Variants in PTPRG observed in about 807,000 individuals in gnomAD.
The protein encoded by PTPRG is protein tyrosine phosphatase receptor type G.
A neutral mutation model predicts 165.3 loss-of-function variants in PTPRG; 102 were observed. That is an observed-to-expected ratio of 0.62 (90% CI 0.53 to 0.73). The LOEUF (loss-of-function observed/expected upper bound fraction) is 0.73. Among genes scored for constraint, PTPRG ranks in the 30% least tolerant of loss-of-function variants. The pLI is 0.00. For synonymous variants in PTPRG, 675 were observed against 669.5 expected (o/e 1.01, Z -0.13); for missense variants, 1,866 against 1,861.4 (o/e 1.00, Z -0.05).
chr3:62,118,023 G>A (rs145420907), intron 5 of PTPRG, among the ~76,000 whole-genome samples: 377 of 152,284 alleles, frequency 2.5e-3, no homozygotes, highest in Middle Eastern at 6.8e-3. Context: ...AGTATTTTAT[G>A]TGGATTATCT....
Position 62,203,235 on chromosome 3 carries a change from G to A in PTPRG, c.1440G>A (p.Trp480Ter). ...MAPISSGSST[W>*]TSSGIPFSFV... The stretch of plus-strand genomic sequence containing the variant: ...CCATCAGCTCGGGGTCTTCTACCTG[G>A]ACGTCCTCTGGCATCCCATTCTCAT... Residue 480 changes from tryptophan to a stop codon, truncating the protein, a stop_gained, in exon 12 of 30, where the codon TGG (tryptophan) becomes TGA (stop). Transcript: ENST00000474889. LOFTEE classifies it high-confidence loss of function. The surrounding 1 kb of genome is among the most constrained non-coding windows in gnomAD (Gnocchi z 6.4). 1 of 1,613,600 alleles carries A rather than the reference G, an allele frequency of 6.2e-7. No homozygotes were observed. The highest frequency in any genetic ancestry group is 8.5e-7 in the Non-Finnish European group (1 of 1,179,824).
chr3:62,272,530 TACGTCATCTA>T (rs1702099285), intron 21 of PTPRG, among the ~76,000 whole-genome samples: 1 of 152,200 alleles, frequency 6.6e-6, no homozygotes, highest in Admixed American at 6.5e-5. Flanking sequence ...GTGAATAACG[TACGTCATCTA>T]AGGTTATCTA....
At chr3:62,275,833 A>T (rs532366535) in intron 23 of PTPRG, 40 bp from the exon 24 acceptor site, 2 of 1,457,550 alleles carry the variant, frequency 1.4e-6, no homozygotes, top group East Asian at 2.3e-5. Flanking sequence ...GCTATCAATT[A>T]TATCTTTGAA....
chr3:61,810,897 A>G (rs1011476302), intron 2 of PTPRG, among the ~76,000 whole-genome samples: 1 of 152,212 alleles, frequency 6.6e-6, no homozygotes, highest in Non-Finnish European at 1.5e-5. Flanking sequence ...CATATGATGT[A>G]AGAATGAGTA....
chr3:62,242,647 T>C (rs868794789), intron 14 of PTPRG, among the ~76,000 whole-genome samples: 9 of 152,332 alleles, frequency 5.9e-5, no homozygotes, highest in Middle Eastern at 6.8e-3. Context: ...TTGTTTTTTA[T>C]AGTTTCTTGA....
chr3:62,046,998 G>T (rs1161635908), intron 4 of PTPRG, among the ~76,000 whole-genome samples: 2 of 152,178 alleles, frequency 1.3e-5, no homozygotes, highest in Non-Finnish European at 2.9e-5. Flanking sequence ...GAAGATACAA[G>T]TGGGGCTTAG....
At chr3:61,919,718 C>G (rs1028525855) in intron 2 of PTPRG, among the ~76,000 whole-genome samples, 2 of 151,836 alleles carry the variant, frequency 1.3e-5, no homozygotes, top group Admixed American at 1.3e-4. Flanking sequence ...TTTTTTTTCT[C>G]TGATTGATTT....
intron 8 of PTPRG, among the ~76,000 whole-genome samples, chr3:62,187,984 C>T (rs896687631): frequency 6.6e-6 from 1 of 152,180 alleles, no homozygotes; most frequent in Non-Finnish European, 1.5e-5. Flanking sequence ...TACATTGAGA[C>T]AGTGAGATTC....
At chr3:61,702,503 G>A (rs886296040) in intron 1 of PTPRG, among the ~76,000 whole-genome samples, 50 of 152,274 alleles carry the variant, frequency 3.3e-4, no homozygotes, top group Non-Finnish European at 6.6e-4. Flanking sequence ...AATTTAGTTT[G>A]AGTTAAAACG....
At chr3:62,098,658 C>T (rs1576000631) in intron 5 of PTPRG, among the ~76,000 whole-genome samples, 1 of 152,092 alleles carries the variant, frequency 6.6e-6, no homozygotes, top group African/African-American at 2.4e-5. Flanking sequence ...GCTTTTATTT[C>T]TGTATTCTTT....
chr3:61,749,271 G>A (rs1216356759), intron 2 of PTPRG: 2 of 447,086 alleles, frequency 4.5e-6, no homozygotes, highest in Non-Finnish European at 8.3e-6. Flanking sequence ...GAAAGACGTA[G>A]TCTTGTCTTT....
intron 2 of PTPRG, among the ~76,000 whole-genome samples, chr3:61,866,083 G>A (rs560475039): frequency 3.9e-4 from 60 of 152,082 alleles, no homozygotes; most frequent in Non-Finnish European, 6.9e-4. Flanking sequence ...TTTTATAATT[G>A]AACCAGGGAA....
chr3:62,199,073 T>C (rs1323190728), intron 10 of PTPRG, among the ~76,000 whole-genome samples: 1 of 152,200 alleles, frequency 6.6e-6, no homozygotes, highest in Non-Finnish European at 1.5e-5. Flanking sequence ...CTGTTCAGTT[T>C]GTTGGCATTA....
chr3:62,094,966 GTAA>G (rs1702061815), intron 5 of PTPRG, among the ~76,000 whole-genome samples: 1 of 152,196 alleles, frequency 6.6e-6, no homozygotes, highest in Admixed American at 6.5e-5. Flanking sequence ...ATGCAGAATG[GTAA>G]TCTACCTTCT....
intron 2 of PTPRG, among the ~76,000 whole-genome samples, chr3:61,930,962 G>A (rs183471456): frequency 1.4e-4 from 22 of 152,314 alleles, no homozygotes; most frequent in African/African-American, 5.1e-4. Flanking sequence ...AGCTACTCGG[G>A]AAGCAGAAGA....
In PTPRG at chr3:62,121,093, C is replaced by A. The variant is rs1260457259; in HGVS notation, c.616-11509C>A. On this transcript the variant is annotated intron_variant, in intron 5 of 29. Transcript: ENST00000474889. ...CCGAGTAGCTGGGACTACAGGCGCC[C>A]ACCACTAGCCTGGCTAATTTTTTTT... Among the ~76,000 whole-genome samples, 11 of 149,062 alleles carry A rather than the reference C, an allele frequency of 7.4e-5. No homozygotes were observed. In the South Asian group the frequency reaches 2.2e-3, roughly 30 times the overall value.
intron 2 of PTPRG, among the ~76,000 whole-genome samples, chr3:61,959,483 G>A (rs529906616): frequency 6.6e-6 from 1 of 152,176 alleles, no homozygotes; most frequent in Non-Finnish European, 1.5e-5. Flanking sequence ...AATAGGGTTC[G>A]CTCTCCTATG....
Position 62,273,987 on chromosome 3 carries a change from A to T in PTPRG, c.3465+143A>T. 1.2e-6 allele frequency: 1 copy of T among 817,492 alleles called. No individual in the cohort carries two copies. The allele number at this position is 817,492 out of a possible 1,614,324, so 50.6% of individuals were successfully genotyped here. A position where few individuals can be genotyped will look rare whatever the true frequency, so the allele number is the denominator to read the frequency against. ...CTCCTTGTACTCCTTAAATGTGATG[A>T]AAAAGAAAATACGGTTTTGACCTAT... On this transcript the variant is annotated intron_variant, in intron 23 of 29. Transcript: ENST00000474889. This position sits in a 1 kb window ranked among gnomAD's most constrained non-coding sequence, Gnocchi z 4.1.
intron 1 of PTPRG, among the ~76,000 whole-genome samples, chr3:61,608,103 C>T (rs933238476): frequency 6.6e-6 from 1 of 152,064 alleles, no homozygotes; most frequent in East Asian, 1.9e-4. Context: ...CAGTTTTGAT[C>T]TCTGGTCCGC....
Sources: allele counts gnomAD v4.1 joint callset (sites outside exome capture counted in the v4.1 genomes callset), GRCh38; gene constraint gnomAD v4.1.1; non-coding constraint Gnocchi (gnomAD v3.1); transcripts MANE v1.5; gene names NCBI Gene and HGNC (gene_info 2026-07-23, HGNC 2026-07-21).